SPON1: variants seen among roughly 807,000 people sequenced by gnomAD.
SPON1 encodes spondin 1.
Under a neutral mutation model 111.7 loss-of-function variants are expected in SPON1, and 52 were observed. That is an observed-to-expected ratio of 0.47 (90% CI 0.37 to 0.59). The LOEUF is 0.59. Among genes scored for constraint, SPON1 ranks in the 20% least tolerant of loss-of-function variants. The probability of loss-of-function intolerance (pLI) is 0.00; values close to 1 mark genes in which losing one functional copy is unlikely to be tolerated. For synonymous variants in SPON1, 410 were observed against 395.8 expected (o/e 1.04, Z -0.43); for missense variants, 957 against 1,068.5 (o/e 0.90, Z 1.46).
At position 14,153,165 on chromosome 11, in the gene SPON1, G is replaced by T. The variant is rs117332923; in HGVS notation, c.825+17597G>T. Among the ~76,000 whole-genome samples the T allele has an allele frequency of 6.6e-3, 1,002 of 152,172 alleles. 8 individuals are homozygous for T. The highest frequency in any genetic ancestry group is 0.011 in the Non-Finnish European group (777 of 68,008). ...TACAACATACATCCTTTACTTATTA[G>T]ATTCTAATATATTAGCATTTAACAT... On this transcript the variant is annotated intron_variant, in intron 6 of 15. Transcript: ENST00000576479.
At chr11:14,069,191 C>T (rs1395479352) in intron 3 of SPON1, among the ~76,000 whole-genome samples, 3 of 152,074 alleles carry the variant, frequency 2.0e-5, no homozygotes, top group African/African-American at 7.2e-5. Context: ...GTTCCCTTAC[C>T]TCCCTCTATC....
At chr11:14,065,822 T>TA (rs1219091905) in intron 3 of SPON1, among the ~76,000 whole-genome samples, 8 of 152,192 alleles carry the variant, frequency 5.3e-5, no homozygotes, top group African/African-American at 1.9e-4. Context: ...TTCATCATCC[T>TA]AAAACCTGTC....
chr11:14,005,349 G>C (rs1457613248), intron 2 of SPON1, among the ~76,000 whole-genome samples: 1 of 152,186 alleles, frequency 6.6e-6, no homozygotes, highest in Non-Finnish European at 1.5e-5. Context: ...TAGAGAACAA[G>C]ATCATCCCCA....
intron 5 of SPON1, among the ~76,000 whole-genome samples, chr11:14,106,087 C>T (rs1554924894): frequency 6.6e-6 from 1 of 152,164 alleles, no homozygotes; most frequent in Non-Finnish European, 1.5e-5. Flanking sequence ...AGACTGGATT[C>T]ATTGGCAAGT....
At chr11:14,010,624 G>A (rs1447973030) in intron 2 of SPON1, among the ~76,000 whole-genome samples, 1 of 152,178 alleles carries the variant, frequency 6.6e-6, no homozygotes, top group Admixed American at 6.5e-5. Context: ...ATGCTTATAC[G>A]TGTGTCATAG....
At chr11:14,230,528 T>C (rs1383678944) in intron 6 of SPON1, among the ~76,000 whole-genome samples, 2 of 152,266 alleles carry the variant, frequency 1.3e-5, no homozygotes, top group Non-Finnish European at 2.9e-5. Context: ...TCATCAGCTA[T>C]CTTATGAATT....
At chr11:14,224,871 G>A in intron 6 of SPON1, 2 of 296,782 alleles carry the variant, frequency 6.7e-6, no homozygotes, top group South Asian at 7.0e-5. Flanking sequence ...GGAGTAGCCT[G>A]ATCAAGTGTC....
intron 2 of SPON1, among the ~76,000 whole-genome samples, chr11:13,991,261 T>G (rs1848228004): frequency 1.3e-5 from 2 of 152,198 alleles, no homozygotes; most frequent in Non-Finnish European, 2.9e-5. Context: ...TCTTGGAGGC[T>G]TTGTTTGTTC....
intron 6 of SPON1, among the ~76,000 whole-genome samples, chr11:14,221,590 T>TG (rs11408480): frequency 0.54 from 81,572 of 152,048 alleles, 22,699 homozygotes; most frequent in African/African-American, 0.69. Context: ...CCACTCTAAG[T>TG]GACTCATCCG....
At chr11:14,035,683 T>A (rs1038594518) in intron 2 of SPON1, among the ~76,000 whole-genome samples, 2 of 148,934 alleles carry the variant, frequency 1.3e-5, no homozygotes, top group Admixed American at 1.3e-4. Flanking sequence ...AGTGGCACAA[T>A]CACAGTTCAC....
chr11:14,145,972 A>T (rs782512348), intron 6 of SPON1, among the ~76,000 whole-genome samples: 11 of 152,136 alleles, frequency 7.2e-5, no homozygotes, highest in Non-Finnish European at 1.5e-4. Context: ...GTTAGAGTGA[A>T]ATGATTATAT....
intron 2 of SPON1, among the ~76,000 whole-genome samples, chr11:14,030,271 T>G (rs1431958022): frequency 6.6e-6 from 1 of 152,228 alleles, no homozygotes; most frequent in Non-Finnish European, 1.5e-5. Flanking sequence ...CCAGGGCGCC[T>G]ACGCATCTTG....
At chr11:13,967,302 A>G (rs1368331698) in intron 1 of SPON1, among the ~76,000 whole-genome samples, 7 of 152,216 alleles carry the variant, frequency 4.6e-5, no homozygotes, top group Non-Finnish European at 8.8e-5. Flanking sequence ...ACAGAACAAC[A>G]AATCAAGATA....
intron 5 of SPON1, among the ~76,000 whole-genome samples, chr11:14,114,470 G>A (rs1310554550): frequency 6.6e-6 from 1 of 152,138 alleles, no homozygotes; most frequent in Non-Finnish European, 1.5e-5. Context: ...CTGGAACTTG[G>A]CCTGTTCCAG....
chr11:14,214,455 TC>T lies in SPON1; in HGVS notation c.826-28875del, dbSNP rs1848606583. ...CCTGCTAGCATGGGGTTCAGAGTCTTCCTGTGTGTGCATCTTTCCAAAGATA... is the reference window on the plus strand; with the variant it reads ...CCTGCTAGCATGGGGTTCAGAGTCTTCTGTGTGTGCATCTTTCCAAAGATA... On this transcript the variant is annotated intron_variant, in intron 6 of 15. Transcript: ENST00000576479. Among the ~76,000 whole-genome samples the T allele has an allele frequency of 2.0e-5, 3 of 152,226 alleles. No homozygotes were observed. The South Asian group carries it at 6.2e-4, about 31-fold the overall frequency.
chr11:14,073,807 G>A (rs1376379343), intron 3 of SPON1, among the ~76,000 whole-genome samples: 9 of 152,170 alleles, frequency 5.9e-5, no homozygotes, highest in Non-Finnish European at 1.3e-4. Flanking sequence ...CAGTGTCCTG[G>A]AACCTCCCTC....
At chr11:14,072,342 C>A (rs12365614) in intron 3 of SPON1, among the ~76,000 whole-genome samples, 48,980 of 151,738 alleles carry the variant, frequency 0.32, 9,069 homozygotes, top group East Asian at 0.67. Flanking sequence ...CATCTCTAGT[C>A]CCCCAAAATT....
In SPON1 at chr11:14,254,555, C is replaced by A; in HGVS notation, c.918C>A (p.Ser306=). Residue 306 remains serine, a synonymous_variant, in exon 8 of 16, where the codon TCC becomes TCA. Coordinates refer to ENST00000576479, the MANE Select transcript of SPON1 (RefSeq NM_006108.4). ...GAGCAGCACCTTCAGCTGAATTTTC[C>A]GTGGACAGAACGCGCCATTTAATGT... The part of the protein sequence containing the change: ...NVRAAPSAEF[S]VDRTRHLMSF... The A allele has an allele frequency of 6.2e-7, 1 of 1,608,988 alleles. No individual in the cohort carries two copies. Among genetic ancestry groups the A allele is most frequent in the Non-Finnish European group, 8.5e-7 (1 of 1,177,374 alleles).
In SPON1 at chr11:14,075,399, C is replaced by A; in HGVS notation, c.534C>A (p.Thr178=). The A allele has an allele frequency of 6.4e-7, 1 of 1,558,770 alleles. No homozygotes were observed. Among genetic ancestry groups the A allele is most frequent in the East Asian group, 2.4e-5 (1 of 42,012 alleles). The change falls in exon 4 of 16, where the codon ACC becomes ACA. Residue 178 remains threonine (T), a synonymous_variant. Coordinates refer to ENST00000576479, the MANE Select transcript of SPON1 (RefSeq NM_006108.4). Reference sequence around the variant, plus strand: ...ATTTTCAAGATGAGGGCTCTCTGACCAAGAAACTTTGTGAACAAGGTAAGA... The same window carrying A: ...ATTTTCAAGATGAGGGCTCTCTGACAAAGAAACTTTGTGAACAAGGTAAGA... ...IIYFQDEGSL[T]KKLCEQDSTF... is the part of the protein sequence containing the mutation.
Sources: gnomAD v4.1 joint callset for allele counts (sites outside exome capture counted in the v4.1 genomes callset) on GRCh38, gnomAD v4.1.1 for gene constraint, MANE v1.5 for transcripts, NCBI Gene and HGNC (gene_info 2026-07-23, HGNC 2026-07-21) for gene names.